Variants in UNC79 observed in about 807,000 individuals in gnomAD.
UNC79 encodes protein unc-79 homolog.
Under a neutral mutation model 283.1 loss-of-function variants are expected in UNC79, and 37 were observed. That is an observed-to-expected ratio of 0.13 (90% CI 0.10 to 0.17). UNC79 has a LOEUF of 0.17. UNC79 is among the 10% of genes least tolerant of loss of function. The pLI, the probability that UNC79 is intolerant of heterozygous loss-of-function variation, is 1.00. For missense variants in UNC79, 2,272 were observed against 3,211.1 expected (o/e 0.71, Z 7.07); for synonymous variants, 1,107 against 1,200.2 (o/e 0.92, Z 1.61).
At chr14:93,555,438 C>A (rs141604343) in intron 14 of UNC79, among the ~76,000 whole-genome samples, 40 of 152,276 alleles carry the variant, frequency 2.6e-4, no homozygotes, top group Non-Finnish European at 2.8e-4. Flanking sequence ...GAGTCTCTCT[C>A]TGTCACCCAG....
At chr14:93,622,345 T>C (rs1377866750) in exon 30 of UNC79, 1 of 1,614,092 alleles carries the variant, frequency 6.2e-7, no homozygotes, top group Admixed American at 1.7e-5. Context: ...CAGGAAATAA[T>C]CAGTCAGCAG....
intron 47 of UNC79, among the ~76,000 whole-genome samples, chr14:93,695,519 A>T (rs1396939070): frequency 6.6e-6 from 1 of 152,190 alleles, no homozygotes; most frequent in Non-Finnish European, 1.5e-5. Context: ...TACATATTTA[A>T]AACGTGCAGT....
intron 31 of UNC79, chr14:93,634,600 G>A (rs2068346295): frequency 6.2e-7 from 1 of 1,614,152 alleles, no homozygotes; most frequent in South Asian, 1.1e-5. Context: ...TGGAGCATCA[G>A]TCTAGCGCCC....
chr14:93,378,348 A>C (rs1566901901), intron 1 of UNC79, among the ~76,000 whole-genome samples: 2 of 152,224 alleles, frequency 1.3e-5, no homozygotes, highest in African/African-American at 4.8e-5. Context: ...AGGAAGACAA[A>C]AGTTGTAAAT....
intron 4 of UNC79, among the ~76,000 whole-genome samples, chr14:93,486,721 C>T (rs147500676): frequency 6.7e-6 from 1 of 148,710 alleles, no homozygotes; most frequent in African/African-American, 2.5e-5. Context: ...CCCCAAATGA[C>T]TTCCATCAGT....
intron 1 of UNC79, among the ~76,000 whole-genome samples, chr14:93,387,947 C>A (rs1044942937): frequency 2.6e-5 from 4 of 152,106 alleles, no homozygotes; most frequent in African/African-American, 9.7e-5. Context: ...ATTGTTATAT[C>A]CTCTTGCTGA....
intron 35 of UNC79, among the ~76,000 whole-genome samples, chr14:93,651,603 G>C (rs749238304): frequency 2.3e-4 from 35 of 152,162 alleles, no homozygotes; most frequent in Non-Finnish European, 4.0e-4. Context: ...TTGCATATTA[G>C]CATGTATTCT....
intron 39 of UNC79, among the ~76,000 whole-genome samples, chr14:93,659,485 C>T (rs532134225): frequency 6.6e-6 from 1 of 152,126 alleles, no homozygotes; most frequent in Non-Finnish European, 1.5e-5. Flanking sequence ...CTGGGCCATG[C>T]CCCCCAATCC....
At chr14:93,393,222 A>G (rs894122942) in intron 1 of UNC79, among the ~76,000 whole-genome samples, 1 of 152,224 alleles carries the variant, frequency 6.6e-6, no homozygotes. Flanking sequence ...TTGCTGCTCA[A>G]AGATCCTGCA....
In UNC79 at chr14:93,686,671, C is replaced by T. The variant is rs2074263119; in HGVS notation, c.6909+10C>T. 6.2e-7 allele frequency: 1 copy of T among 1,613,910 alleles called. No homozygotes were observed. On this transcript the variant is annotated intron_variant, in intron 43 of 48. Coordinates refer to ENST00000555664, the Ensembl canonical transcript of UNC79. ...GCTGACCAAACTGAAGGTGAGATGA[C>T]CGCCACCTGCTCATCCCTCAGGTTC... is the stretch of plus-strand genomic sequence containing the variant.
At position 93,430,471 on chromosome 14, in the gene UNC79, C is replaced by G. The variant is rs1296036508; in HGVS notation, c.-559C>G. 1 of 152,564 alleles carries G rather than the reference C, an allele frequency of 6.6e-6. No individual in the cohort carries two copies. The highest frequency in any genetic ancestry group is 1.5e-5 in the Non-Finnish European group (1 of 68,306). The allele number at this position is 152,564 out of a possible 1,614,324, so 9.5% of individuals were successfully genotyped here. A position where few individuals can be genotyped will look rare whatever the true frequency, so the allele number is the denominator to read the frequency against. On this transcript the variant is annotated 5_prime_UTR_variant, in exon 1 of 49. Transcript: ENST00000555664. The surrounding 1 kb of genome is among the most constrained non-coding windows in gnomAD (Gnocchi z 4.6). ...GGATCCGCCTCCCTCTCCTTCCTCC[C>G]CGAGGTTGAGACGAAGCGTGGGACG...
chr14:93,371,004 A>C lies in UNC79; in HGVS notation c.-351+37481A>C, dbSNP rs1257215345. Among the ~76,000 whole-genome samples, 3 of 152,160 alleles carry C rather than the reference A, an allele frequency of 2.0e-5. 1 individual carries two copies. The highest frequency in any genetic ancestry group is 7.2e-5 in the African/African-American group (3 of 41,444). On this transcript the variant is annotated intron_variant, in intron 1 of 49. Transcript: ENST00000256339. ...TTTCCCTAAATTAATGTCAAACACC[A>C]AACTCCACATCCAGGAAGCTCAGAG...
rs1382869103 is a variant in UNC79, at chr14:93,603,056, GA to G, written c.3575-175del. 2.6e-5 allele frequency among the ~76,000 whole-genome samples: 4 copies of G among 151,822 alleles called. No individual in the cohort carries two copies. In the East Asian group the frequency reaches 5.8e-4, roughly 22 times the overall value. ...ATAATTTAATCTTGTGGTCTAAGCA[GA>G]AAAAAAATCATGATAGGCAATAGTT... On this transcript the variant is annotated intron_variant, in intron 25 of 48. Coordinates refer to ENST00000555664, the Ensembl canonical transcript of UNC79.
At chr14:93,374,499 C>T (rs2054516206) in intron 1 of UNC79, among the ~76,000 whole-genome samples, 1 of 152,156 alleles carries the variant, frequency 6.6e-6, no homozygotes, top group African/African-American at 2.4e-5. Flanking sequence ...AAATGTCTGT[C>T]TTATTCCTGT....
intron 14 of UNC79, among the ~76,000 whole-genome samples, chr14:93,568,335 C>G (rs903627289): frequency 6.6e-6 from 1 of 152,090 alleles, no homozygotes; most frequent in Non-Finnish European, 1.5e-5. Context: ...CACAAACATA[C>G]AGACACAAAT....
At chr14:93,374,084 A>C (rs2054508340) in intron 1 of UNC79, among the ~76,000 whole-genome samples, 1 of 152,120 alleles carries the variant, frequency 6.6e-6, no homozygotes, top group Admixed American at 6.5e-5. Flanking sequence ...TGGTGCTACC[A>C]CAGAGAGCCC....
intron 34 of UNC79, among the ~76,000 whole-genome samples, chr14:93,644,344 A>G (rs949076423): frequency 6.6e-6 from 1 of 152,246 alleles, no homozygotes. Context: ...CTCAAATTCA[A>G]TAACAAACTG....
chr14:93,583,317 CA>C (rs112879763), intron 20 of UNC79, among the ~76,000 whole-genome samples: 400 of 124,446 alleles, frequency 3.2e-3, no homozygotes, highest in African/African-American at 4.7e-3. Context: ...AAACTCTGCT[CA>C]AAAAAAAAAA....
chr14:93,467,628 C>CTTTT lies in UNC79; in HGVS notation c.23-16_23-13dup, dbSNP rs398026224. 2.5e-3 allele frequency: 1,907 copies of CTTTT among 762,276 alleles called. 786 individuals carry two copies. Among genetic ancestry groups the CTTTT allele is most frequent in the Non-Finnish European group, 2.5e-3 (1,713 of 673,560 alleles). The allele number at this position is 762,276 out of a possible 1,614,324, so 47.2% of individuals were successfully genotyped here. On this transcript the variant is annotated intron_variant, in intron 1 of 48. Transcript: ENST00000555664. Reference sequence around the variant, plus strand: ...ATTCTTCTCTTTCTTTTTCTTCTTCCTTTTTTTTTTTTTTTTTTTTTTTTT... The same window carrying CTTTT: ...ATTCTTCTCTTTCTTTTTCTTCTTCCTTTTTTTTTTTTTTTTTTTTTTTTTTTTT...
Sources: allele counts gnomAD v4.1 joint callset (sites outside exome capture counted in the v4.1 genomes callset), GRCh38; gene constraint gnomAD v4.1.1; non-coding constraint Gnocchi (gnomAD v3.1); transcripts MANE v1.5; gene names NCBI Gene and HGNC (gene_info 2026-07-23, HGNC 2026-07-21).